The following CCT4 variants were observed in gnomAD, a reference collection of about 807,000 sequenced individuals.
The protein encoded by CCT4 is chaperonin containing TCP1 subunit 4, also known as T-complex protein 1 subunit delta.
Under a neutral mutation model 62.5 loss-of-function variants are expected in CCT4, and 17 were observed. That is an observed-to-expected ratio of 0.27 (90% CI 0.19 to 0.41). CCT4 has a LOEUF of 0.41. Ranked by LOEUF, CCT4 falls within the 10% of genes least tolerant of loss-of-function variation. The probability of loss-of-function intolerance (pLI) is 1.00; values close to 1 mark genes in which losing one functional copy is unlikely to be tolerated. For missense variants in CCT4, 592 were observed against 659.2 expected, an observed-to-expected ratio of 0.90 and a Z score of 1.12; for synonymous variants, 250 against 229.9, an observed-to-expected ratio of 1.09 and a Z score of -0.79.
Position 61,870,192 on chromosome 2 carries a change from G to A in CCT4, c.1492-639C>T, listed in dbSNP as rs191363318. ...CTCAGGAGGCTGAGGCAGAAGAATCGCTTGAACCCAGGAGGCGGAGTGCAG... is the reference window on the plus strand; with the variant it reads ...CTCAGGAGGCTGAGGCAGAAGAATCACTTGAACCCAGGAGGCGGAGTGCAG... On this transcript the variant is annotated intron_variant, in intron 12 of 13. Transcript: ENST00000394440. Among the ~76,000 whole-genome samples the A allele has an allele frequency of 6.6e-5, 10 of 151,556 alleles. No individual in the cohort carries two copies. In the East Asian group the frequency reaches 2.0e-3, roughly 30 times the overall value.
At chr2:61,870,557 C>A (rs951981104) in intron 12 of CCT4, among the ~76,000 whole-genome samples, 1 of 152,062 alleles carries the variant, frequency 6.6e-6, no homozygotes, top group African/African-American at 2.4e-5. Context: ...CTCCTGATGG[C>A]CTCTAACAGG....
chr2:61,888,289 G>T, intron 1 of CCT4, 92 bp downstream of exon 1: 1 of 1,441,508 alleles, frequency 6.9e-7, no homozygotes, highest in South Asian at 1.3e-5. Context: ...ATCACCCGAA[G>T]AAATGGGAAA....
At chr2:61,874,781 T>C (rs1355730274) in intron 8 of CCT4, among the ~76,000 whole-genome samples, 5 of 152,160 alleles carry the variant, frequency 3.3e-5, no homozygotes, top group African/African-American at 4.8e-5. Context: ...TTCTGCAACA[T>C]GGCTTTTAAA....
At position 61,868,471 on chromosome 2, in the gene CCT4, A is replaced by G. The variant is rs1668820706; in HGVS notation, c.*221T>C. Reference sequence around the variant, plus strand: ...TTTTTATTAGTTTTTCAAAAGTATCAGAAATAACAGAATGTTGGGAGAAGA... The same window carrying G: ...TTTTTATTAGTTTTTCAAAAGTATCGGAAATAACAGAATGTTGGGAGAAGA... On this transcript the variant is annotated 3_prime_UTR_variant, in exon 14 of 14. Coordinates refer to ENST00000394440, the MANE Select transcript of CCT4 (RefSeq NM_006430.4). 1 of 483,954 alleles carries G rather than the reference A, an allele frequency of 2.1e-6. No individual in the cohort carries two copies. Among genetic ancestry groups the G allele is most frequent in the African/African-American group, 1.9e-5 (1 of 51,822 alleles). 30.0% of individuals were successfully genotyped at this position (483,954 alleles called of 1,614,324 possible). A position where few individuals can be genotyped will look rare whatever the true frequency, so the allele number is the denominator to read the frequency against.
chr2:61,887,446 C>A (rs1277138324), intron 1 of CCT4, among the ~76,000 whole-genome samples: 1 of 152,112 alleles, frequency 6.6e-6, no homozygotes, highest in Non-Finnish European at 1.5e-5. Flanking sequence ...TCCAGGACAC[C>A]AGGCCTTTAA....
intron 12 of CCT4, among the ~76,000 whole-genome samples, chr2:61,871,020 T>C (rs1406878677): frequency 1.3e-5 from 2 of 151,768 alleles, no homozygotes; most frequent in Non-Finnish European, 2.9e-5. Context: ...GGCCTCCTCA[T>C]TCTATTAATA....
At position 61,873,003 on chromosome 2, in the gene CCT4, T is replaced by A; in HGVS notation, c.1124A>T (p.Lys375Met). ...VNLNGSGKLLKITGCASPGKT... is the reference protein window; with the variant it reads ...VNLNGSGKLLMITGCASPGKT... ...AAAATTTAAGTGTAATACTGTTACC[T>A]TGAGCAGTTTGCCAGAACCATTTAA... is the stretch of plus-strand genomic sequence containing the variant. The change falls in exon 10 of 14, where the codon AAG becomes ATG. Residue 375 changes from lysine to methionine, a missense_variant and splice_region_variant. Transcript: ENST00000394440. 1 of 1,553,660 alleles carries A rather than the reference T, an allele frequency of 6.4e-7. No homozygotes were observed.
chr2:61,869,010 C>T (rs1668828935), intron 13 of CCT4: 3 of 361,752 alleles, frequency 8.3e-6, no homozygotes, highest in Admixed American at 3.9e-5. Flanking sequence ...TGGCACATGC[C>T]TGTAATCCCA....
chr2:61,874,969 C>T (rs565663095), intron 8 of CCT4, among the ~76,000 whole-genome samples: 21 of 152,096 alleles, frequency 1.4e-4, no homozygotes, highest in African/African-American at 5.1e-4. Context: ...ACAGAGAAAC[C>T]CCGTCTCTAC....
upstream of CCT4, chr2:61,888,662 C>T: frequency 1.2e-6 from 1 of 860,254 alleles, no homozygotes; most frequent in Non-Finnish European, 1.7e-6. Flanking sequence ...AGAAGGGGGC[C>T]TTCCTTGCCG....
chr2:61,884,900 A>T (rs1357395528), intron 2 of CCT4, 120 bp downstream of exon 2: 3 of 790,094 alleles, frequency 3.8e-6, no homozygotes, highest in Non-Finnish European at 6.2e-6. Context: ...TGCTGGGATT[A>T]TAGGTGTGAG....
At position 61,868,097 on chromosome 2, in the gene CCT4, C is replaced by T. The variant is rs890006584; in HGVS notation, c.*595G>A. 6.6e-6 allele frequency: 1 copy of T among 152,324 alleles called. No individual in the cohort carries two copies. Among genetic ancestry groups the T allele is most frequent in the African/African-American group, 2.4e-5 (1 of 41,416 alleles). The allele number at this position is 152,324 out of a possible 1,614,324, so 9.4% of individuals were successfully genotyped here. A position where few individuals can be genotyped will look rare whatever the true frequency, so the allele number is the denominator to read the frequency against. On this transcript the variant is annotated 3_prime_UTR_variant, in exon 14 of 14. Coordinates refer to ENST00000394440, the MANE Select transcript of CCT4 (RefSeq NM_006430.4). ...CTGGAACAAGACATTAGTTAAGAAA[C>T]CCTTTTGTTTAAGTAAGATTTGCTA...
Position 61,872,593 on chromosome 2 carries a change from A to G in CCT4, c.1126-5T>C. 1 of 1,612,962 alleles carries G rather than the reference A, an allele frequency of 6.2e-7. No individual in the cohort carries two copies. Among genetic ancestry groups the G allele is most frequent in the Non-Finnish European group, 8.5e-7 (1 of 1,179,718 alleles). Reference sequence around the variant, plus strand: ...AGGGCTGGCACAGCCTGTAATCTTCAGTAAACAAATTCCAAATTAAGTATT... The same window carrying G: ...AGGGCTGGCACAGCCTGTAATCTTCGGTAAACAAATTCCAAATTAAGTATT... On this transcript the variant is annotated splice_polypyrimidine_tract_variant and splice_region_variant and intron_variant, in intron 10 of 13. Transcript: ENST00000394440.
chr2:61,871,638 G>T (rs908714509), intron 12 of CCT4, among the ~76,000 whole-genome samples: 1 of 152,142 alleles, frequency 6.6e-6, no homozygotes, highest in Admixed American at 6.5e-5. Context: ...AATAAAAAGT[G>T]ATATTATTAC....
intron 3 of CCT4, among the ~76,000 whole-genome samples, chr2:61,881,421 C>A (rs574601148): frequency 1.5e-4 from 23 of 152,256 alleles, no homozygotes; most frequent in African/African-American, 5.5e-4. Flanking sequence ...TGCGACCAGA[C>A]TGATAGAAAT....
Position 61,888,478 on chromosome 2 carries a change from C to T in CCT4, c.30G>A (p.Gly10=). The T allele has an allele frequency of 1.2e-6, 2 of 1,612,026 alleles. No homozygotes were observed. The highest frequency in any genetic ancestry group is 2.2e-5 in the South Asian group (2 of 90,910). ...GGCCGCCGGCAGCCCCGGCAGTCGC[C>T]CCGCTCCGGGGTGCCACATTCTCGG... MPENVAPRS[G]ATAGAAGGRG... is the part of the protein sequence containing the mutation. Residue 10 remains glycine, a synonymous_variant, in exon 1 of 14, where the codon GGG becomes GGA. Transcript: ENST00000394440.
At chr2:61,880,856 C>T (rs1008492561) in intron 3 of CCT4, among the ~76,000 whole-genome samples, 2 of 152,120 alleles carry the variant, frequency 1.3e-5, no homozygotes, top group South Asian at 4.2e-4. Flanking sequence ...TAGGTGCACA[C>T]TAACACATCT....
intron 8 of CCT4, among the ~76,000 whole-genome samples, chr2:61,875,582 CAAAAA>C (rs35222263): frequency 4.5e-5 from 5 of 110,428 alleles, no homozygotes; most frequent in Admixed American, 9.5e-5. Context: ...GACTCTGTCT[CAAAAA>C]AAAAAAAAAA....
At position 61,877,510 on chromosome 2, in the gene CCT4, A is replaced by T; in HGVS notation, c.527T>A (p.Val176Asp). Residue 176 changes from valine to aspartate, a missense_variant, in exon 6 of 14, where the codon GTT (valine) becomes GAT (aspartate). Physicochemically the swap from Val to Asp is radical, Grantham distance 152. Around this residue, in one of 3 missense-constraint regions of CCT4, gnomAD observed 522 missense variants for 571.2 expected, o/e 0.91. Transcript: ENST00000394440. ...SATTSLNSKV[V>D]SQYSSLLSPM... is the part of the protein sequence containing the mutation. The stretch of plus-strand genomic sequence containing the variant: ...AGAAAGCAGACTTGAATACTGAGAA[A>T]CCACCTAGAATTATTAAAAAAAAAA... 6.4e-7 allele frequency: 1 copy of T among 1,568,154 alleles called. No homozygotes were observed. The highest frequency in any genetic ancestry group is 8.6e-7 in the Non-Finnish European group (1 of 1,166,772).
Sources: gnomAD v4.1 joint callset for allele counts (sites outside exome capture counted in the v4.1 genomes callset) on GRCh38, gnomAD v4.1.1 for gene constraint, gnomAD v4.1.1 regional missense constraint, MANE v1.5 for transcripts, NCBI Gene and HGNC (gene_info 2026-07-23, HGNC 2026-07-21) for gene names.